The following ZNF577 variants were observed in gnomAD, a reference collection of about 807,000 sequenced individuals.
The protein encoded by ZNF577 is zinc finger protein 577.
ZNF577 carries 14 observed loss-of-function variants against 13.9 expected under a neutral mutation model. The ratio of observed to expected loss-of-function variants is 1.00; its 90% CI spans 0.66 to 1.57. ZNF577 has a LOEUF of 1.57. Ranked by LOEUF, ZNF577 falls within the 40% of genes most tolerant of loss-of-function variation. ZNF577 has a pLI of 0.00. For synonymous variants in ZNF577, 203 were observed against 202.9 expected, an observed-to-expected ratio of 1.00 and a Z score of 0.00; for missense variants, 555 against 579.2, an observed-to-expected ratio of 0.96 and a Z score of 0.43.
At chr19:51,848,232 G>A (rs907170125) in intron 5 of ZNF577, among the ~76,000 whole-genome samples, 3 of 152,156 alleles carry the variant, frequency 2.0e-5, no homozygotes, top group Admixed American at 1.3e-4. Context: ...TGACCAATCA[G>A]AACACACCGA....
Position 51,873,733 on chromosome 19 carries a change from T to C in ZNF577, c.284-27A>G, listed in dbSNP as rs191204245. 1,154 of 1,535,694 alleles carry C rather than the reference T, an allele frequency of 7.5e-4. 5 individuals carry two copies. In the African/African-American group the frequency reaches 0.014, roughly 19 times the overall value. On this transcript the variant is annotated intron_variant, in intron 5 of 5. Coordinates refer to ENST00000638348, the MANE Select transcript of ZNF577 (RefSeq NM_001370449.1). ...TAAATGAGATTTCAAACTTTTACAATGCGAGCCAAACTTATTGTGTCTTTA... is the reference window on the plus strand; with the variant it reads ...TAAATGAGATTTCAAACTTTTACAACGCGAGCCAAACTTATTGTGTCTTTA...
intron 5 of ZNF577, among the ~76,000 whole-genome samples, chr19:51,848,812 C>T (rs2084366818): frequency 6.6e-6 from 1 of 152,098 alleles, no homozygotes; most frequent in African/African-American, 2.4e-5. Context: ...ATCTCTTCCC[C>T]AATTTGCTAA....
chr19:51,805,230 T>C (rs558496785), exon 11 of ZNF577: 82 of 152,346 alleles, frequency 5.4e-4, no homozygotes, highest in African/African-American at 1.9e-3. Context: ...CATTCTCCGA[T>C]TGGCGGTCCA....
intron 4 of ZNF577, chr19:51,877,939 A>C (rs1425988821): frequency 6.4e-6 from 1 of 156,408 alleles, no homozygotes; most frequent in Non-Finnish European, 1.4e-5. Flanking sequence ...TTAAAAAGGA[A>C]ACTCTGGCAC....
At chr19:51,885,131 G>C (rs947765078) in intron 1 of ZNF577, among the ~76,000 whole-genome samples, 2 of 152,152 alleles carry the variant, frequency 1.3e-5, no homozygotes, top group Non-Finnish European at 1.5e-5. Context: ...TTGTTAATTA[G>C]GTATGTCATT....
rs370265678 is a variant in ZNF577 at position 51,847,980 on chromosome 19, A to G, written c.284-3049T>C. On this transcript the variant is annotated intron_variant and NMD_transcript_variant, in intron 5 of 10. Coordinates refer to the ZNF577 transcript ENST00000638827. ...CCGGTCCCACCAGGAATGATCGCTC[A>G]GCAATATGGTCGCGCCCAAGCCCTG... Among the ~76,000 whole-genome samples the G allele has an allele frequency of 5.9e-5, 9 of 152,354 alleles. No homozygotes were observed. The South Asian group carries it at 1.4e-3, about 25-fold the overall frequency.
chr19:51,873,215 T>C lies in ZNF577; in HGVS notation c.775A>G (p.Arg259Gly). Residue 259 changes from arginine (R) to glycine (G), a missense_variant, in exon 6 of 6, where the codon AGA becomes GGA. Physicochemically the swap from Arg to Gly is moderately radical, Grantham distance 125 (BLOSUM62 -2). Transcript: ENST00000638348. ...TCTCCAGTATGTGATCGCTGATGTC[T>C]ATTGAGCCGGCACTTCCGGCTGAAG... is the stretch of plus-strand genomic sequence containing the variant. ...KAFSRKCRLN[R>G]HQRSHTGEKL... 6.2e-7 allele frequency: 1 copy of C among 1,614,126 alleles called. No homozygotes were observed. The highest frequency in any genetic ancestry group is 8.5e-7 in the Non-Finnish European group (1 of 1,180,008).
rs541126396 is a variant in ZNF577 at position 51,885,787 on chromosome 19, CG to C, written c.-219+1033del. Among the ~76,000 whole-genome samples the C allele has an allele frequency of 4.5e-4, 68 of 152,274 alleles. 1 individual carries two copies. Among genetic ancestry groups the C allele is most frequent in the South Asian group, 3.1e-3 (15 of 4,822 alleles). On this transcript the variant is annotated intron_variant, in intron 1 of 5. Transcript: ENST00000638348. The stretch of plus-strand genomic sequence containing the variant: ...CCTCCCAAAGTGCTGGGATTACAGG[CG>C]TGAGCTCTCATGCCCAGCCCTCAAT...
intron 9 of ZNF577, among the ~76,000 whole-genome samples, chr19:51,829,586 C>A (rs966283386): frequency 7.9e-5 from 12 of 152,142 alleles, no homozygotes; most frequent in African/African-American, 2.9e-4. Flanking sequence ...CTTTTCCCAC[C>A]ATCCTGACCG....
At chr19:51,848,409 C>G (rs2084364892) in intron 5 of ZNF577, among the ~76,000 whole-genome samples, 1 of 152,190 alleles carries the variant, frequency 6.6e-6, no homozygotes. Flanking sequence ...GAAATGAAAT[C>G]ACTATGTGGA....
intron 5 of ZNF577, among the ~76,000 whole-genome samples, chr19:51,857,431 GAAA>G (rs2084447185): frequency 1.5e-5 from 2 of 133,828 alleles, no homozygotes; most frequent in African/African-American, 2.8e-5. Flanking sequence ...AGAAAGAAAA[GAAA>G]AAACAAAGAA....
At chr19:51,837,583 T>C (rs2084295022) in intron 9 of ZNF577, among the ~76,000 whole-genome samples, 1 of 152,300 alleles carries the variant, frequency 6.6e-6, no homozygotes, top group Admixed American at 6.5e-5. Flanking sequence ...CTCAAAAGCA[T>C]TATGCTAAGT....
intron 1 of ZNF577, among the ~76,000 whole-genome samples, chr19:51,885,474 T>C (rs1197428391): frequency 6.6e-6 from 1 of 152,196 alleles, no homozygotes; most frequent in East Asian, 1.9e-4. Flanking sequence ...GTGTCTAGCA[T>C]ACTCCATTCC....
chr19:51,823,725 C>G, intron 9 of ZNF577: 1 of 1,542,194 alleles, frequency 6.5e-7, no homozygotes, highest in Middle Eastern at 1.8e-4. Flanking sequence ...ATGGCCATTG[C>G]TGAAATGTTT....
At chr19:51,839,254 C>T (rs1157249940) in intron 9 of ZNF577, among the ~76,000 whole-genome samples, 3 of 152,042 alleles carry the variant, frequency 2.0e-5, no homozygotes, top group Admixed American at 6.5e-5. Context: ...GTTAGCCAGG[C>T]GTGGTTGAGC....
At chr19:51,804,850 G>A (rs1254686004) in exon 11 of ZNF577, 1 of 152,220 alleles carries the variant, frequency 6.6e-6, no homozygotes, top group Non-Finnish European at 1.5e-5. Flanking sequence ...CTTGCCTCTA[G>A]TGGACAAGGC....
chr19:51,870,255 A>C lies in ZNF577; in HGVS notation c.*2277T>G, dbSNP rs10412080. Among the ~76,000 whole-genome samples, 39,235 of 152,116 alleles carry C rather than the reference A, an allele frequency of 0.26. 6,897 individuals carry two copies. The highest frequency in any genetic ancestry group is 0.49 in the African/African-American group (20,164 of 41,470). On this transcript the variant is annotated 3_prime_UTR_variant, in exon 6 of 6. Coordinates refer to ENST00000638348, the MANE Select transcript of ZNF577 (RefSeq NM_001370449.1). Reference sequence around the variant, plus strand: ...TGAGTTTTCTTCATGTTATGGGGTTATATTTTCCTGCTTCTTTGCACACCT... The same window carrying C: ...TGAGTTTTCTTCATGTTATGGGGTTCTATTTTCCTGCTTCTTTGCACACCT...
chr19:51,829,242 G>A (rs537485448), intron 9 of ZNF577, among the ~76,000 whole-genome samples: 29 of 152,228 alleles, frequency 1.9e-4, no homozygotes, highest in South Asian at 1.7e-3. Flanking sequence ...CGAGGAGGGA[G>A]CTGTAAAGAG....
intron 9 of ZNF577, among the ~76,000 whole-genome samples, chr19:51,838,043 T>C (rs1418540953): frequency 6.6e-6 from 1 of 152,230 alleles, no homozygotes; most frequent in African/African-American, 2.4e-5. Flanking sequence ...TGAGATCCTA[T>C]GCAGAACATT....
Sources: allele counts gnomAD v4.1 joint callset (sites outside exome capture counted in the v4.1 genomes callset), GRCh38; gene constraint gnomAD v4.1.1; transcripts MANE v1.5; gene names NCBI Gene and HGNC (gene_info 2026-07-23, HGNC 2026-07-21).